Variants in MPZL2 observed in about 807,000 individuals in gnomAD.
The protein encoded by MPZL2 is myelin protein zero-like protein 2.
In MPZL2, 32 loss-of-function variants were observed where a neutral mutation model predicts 24.5. The observed-to-expected ratio is 1.31, with a 90% confidence interval of 0.99 to 1.76. MPZL2 has a LOEUF of 1.76. Ranked by LOEUF, MPZL2 falls within the 40% of genes most tolerant of loss-of-function variation. The probability of loss-of-function intolerance (pLI) is 0.00; values close to 1 mark genes in which losing one functional copy is unlikely to be tolerated. For synonymous variants in MPZL2, 92 were observed against 97.9 expected (o/e 0.94, Z 0.36); for missense variants, 304 against 274.9 (o/e 1.11, Z -0.75).
chr11:118,255,423 T>A (rs964715300), intron 5 of MPZL2, among the ~76,000 whole-genome samples, 190 bp from the exon 6 acceptor site: 6 of 152,320 alleles, frequency 3.9e-5, no homozygotes, highest in African/African-American at 1.4e-4. Context: ...AGAGTTAGTA[T>A]CCTTAAATCA....
intron 3 of MPZL2, among the ~76,000 whole-genome samples, chr11:118,260,498 C>T (rs762020350): frequency 2.6e-5 from 4 of 152,302 alleles, no homozygotes; most frequent in Middle Eastern, 6.8e-3. Context: ...TGCGGCTGAG[C>T]AATCTGTGTC....
In MPZL2 at chr11:118,262,520, A is replaced by G. The variant is rs763678281; in HGVS notation, c.354T>C (p.Asn118=). The change falls in exon 3 of 6, where the codon AAT becomes AAC. Residue 118 remains asparagine (N), a synonymous_variant. Coordinates refer to ENST00000278937, the MANE Select transcript of MPZL2 (RefSeq NM_005797.4). ...ILLWKLQFDD[N]GTYTCQVKNP... ...TCTTCACCTGGCAGGTGTATGTCCC[A>G]TTGTCGTCGAACTGCAGTTTCCAGA... 8 of 1,613,992 alleles carry G rather than the reference A, an allele frequency of 5.0e-6. No homozygotes were observed. In the East Asian group the frequency reaches 1.8e-4, roughly 36 times the overall value.
rs1021673833 is a variant in MPZL2, at chr11:118,253,488, A to T, written c.*1758T>A. The T allele has an allele frequency of 7.9e-5, 12 of 152,240 alleles. No individual in the cohort carries two copies. The highest frequency in any genetic ancestry group is 2.9e-4 in the African/African-American group (12 of 41,472). 9.4% of individuals were successfully genotyped at this position (152,240 alleles called of 1,614,324 possible). ...TTTAAAGCATAATAAAAAATAAATT[A>T]CAATACAAAAGTGCTCTTTAGGAAG... is the stretch of plus-strand genomic sequence containing the variant. On this transcript the variant is annotated 3_prime_UTR_variant, in exon 6 of 6. Coordinates refer to ENST00000278937, the MANE Select transcript of MPZL2 (RefSeq NM_005797.4).
intron 4 of MPZL2, 88 bp from the exon 5 acceptor site, chr11:118,257,401 C>T: frequency 8.9e-7 from 1 of 1,125,308 alleles, no homozygotes; most frequent in Non-Finnish European, 1.3e-6. Flanking sequence ...GGTATTTTTC[C>T]CCCATATTTT....
intron 1 of MPZL2, 86 bp downstream of exon 1, chr11:118,264,010 A>T (rs1949721286): frequency 1.4e-6 from 2 of 1,404,506 alleles, no homozygotes; most frequent in Admixed American, 3.6e-5. Context: ...CCCAAACAAA[A>T]GTCTTGCAAC....
chr11:118,262,900 G>A (rs575988550), intron 2 of MPZL2, 31 bp downstream of exon 2: 301 of 1,607,452 alleles, frequency 1.9e-4, no homozygotes, highest in Non-Finnish European at 2.4e-4. Flanking sequence ...CTAAACAAGA[G>A]TACCCTGGAA....
At chr11:118,259,953 T>G in intron 4 of MPZL2, 101 bp downstream of exon 4, 1 of 1,369,228 alleles carries the variant, frequency 7.3e-7, no homozygotes, top group South Asian at 1.4e-5. Flanking sequence ...TAGGATTTAC[T>G]TAAAGGGAAA....
intron 5 of MPZL2, 119 bp from the exon 6 acceptor site, chr11:118,255,352 T>A (rs1006770463): frequency 6.6e-6 from 1 of 152,188 alleles, no homozygotes; most frequent in African/African-American, 2.4e-5. Context: ...GGGAAAGTAT[T>A]CATATTCTCC....
chr11:118,256,038 G>A (rs1628018), intron 5 of MPZL2, among the ~76,000 whole-genome samples: 13,712 of 152,118 alleles, frequency 0.09, 2,056 homozygotes, highest in African/African-American at 0.31. Flanking sequence ...GACAATAGCC[G>A]TTGGTTGGTA....
chr11:118,263,766 G>T (rs1032596170), intron 1 of MPZL2, among the ~76,000 whole-genome samples: 1 of 152,080 alleles, frequency 6.6e-6, no homozygotes, highest in African/African-American at 2.4e-5. Context: ...TCACAGACAA[G>T]ACCCACACAC....
chr11:118,253,709 A>C lies in MPZL2; in HGVS notation c.*1537T>G, dbSNP rs938016612. The C allele has an allele frequency of 1.7e-4, 26 of 152,256 alleles. No homozygotes were observed. The highest frequency in any genetic ancestry group is 4.1e-4 in the South Asian group (2 of 4,838). The allele number at this position is 152,256 out of a possible 1,614,324, so 9.4% of individuals were successfully genotyped here. On this transcript the variant is annotated 3_prime_UTR_variant, in exon 6 of 6. Transcript: ENST00000278937. Reference sequence around the variant, plus strand: ...GGTTAGAATTGTGAAGAAAAAATATAAAATGTGATTAAAGGATATATAGCC... The same window carrying C: ...GGTTAGAATTGTGAAGAAAAAATATCAAATGTGATTAAAGGATATATAGCC...
At position 118,254,373 on chromosome 11, in the gene MPZL2, A is replaced by G. The variant is rs1949649655; in HGVS notation, c.*873T>C. 6.6e-6 allele frequency: 1 copy of G among 152,196 alleles called. No individual in the cohort carries two copies. Among genetic ancestry groups the G allele is most frequent in the Admixed American group, 6.5e-5 (1 of 15,270 alleles). The allele number at this position is 152,196 out of a possible 1,614,324, so 9.4% of individuals were successfully genotyped here. On this transcript the variant is annotated 3_prime_UTR_variant, in exon 6 of 6. Transcript: ENST00000278937. ...TGCTGTTTCACAATTTTTTTATTAAATTACTTAATGATTCCAGTCTGCAAA... is the reference window on the plus strand; with the variant it reads ...TGCTGTTTCACAATTTTTTTATTAAGTTACTTAATGATTCCAGTCTGCAAA...
intron 3 of MPZL2, among the ~76,000 whole-genome samples, 194 bp downstream of exon 3, chr11:118,262,244 A>G (rs1183766316): frequency 2.0e-5 from 3 of 152,160 alleles, no homozygotes; most frequent in African/African-American, 7.2e-5. Flanking sequence ...TTCTTTCCAC[A>G]GCCAAACAAA....
rs760931196 is a variant in MPZL2 at position 118,262,528 on chromosome 11, C to T, written c.346G>A (p.Asp116Asn). The change falls in exon 3 of 6, where the codon GAC becomes AAC. Residue 116 changes from aspartate (D) to asparagine (N), a missense_variant. Transcript: ENST00000278937. ...ASILLWKLQF[D>N]DNGTYTCQVK... ...TGGCAGGTGTATGTCCCATTGTCGTCGAACTGCAGTTTCCAGAGAAGGATG... is the reference window on the plus strand; with the variant it reads ...TGGCAGGTGTATGTCCCATTGTCGTTGAACTGCAGTTTCCAGAGAAGGATG... 46 of 1,614,050 alleles carry T rather than the reference C, an allele frequency of 2.8e-5. No individual in the cohort carries two copies. The highest frequency in any genetic ancestry group is 2.5e-6 in the Non-Finnish European group (3 of 1,180,034).
At chr11:118,257,058 A>C (rs1299378438) in intron 5 of MPZL2, 180 bp downstream of exon 5, 1 of 410,878 alleles carries the variant, frequency 2.4e-6, no homozygotes, top group Non-Finnish European at 4.3e-6. Flanking sequence ...CACAAAATAC[A>C]CTCAAGGAGG....
chr11:118,257,633 A>T (rs1421963805), intron 4 of MPZL2: 1 of 202,252 alleles, frequency 4.9e-6, no homozygotes, highest in African/African-American at 2.3e-5. Flanking sequence ...AAAAAAAAAT[A>T]AAAAGTTTTG....
At chr11:118,255,973 C>T (rs1466590617) in intron 5 of MPZL2, among the ~76,000 whole-genome samples, 1 of 152,108 alleles carries the variant, frequency 6.6e-6, no homozygotes, top group African/African-American at 2.4e-5. Context: ...AAAACATCTC[C>T]CATATTTATT....
rs974215985 is a variant in MPZL2, at chr11:118,262,998, G to A, written c.158C>T (p.Ala53Val). ...CACTGTTAGAGCATCACCCACAGGG[G>A]CAAAGCTGGAGAAAGTGCATTTTAA... ...ARLKCTFSSF[A>V]PVGDALTVTW... The change falls in exon 2 of 6, where the codon GCC becomes GTC. Residue 53 changes from alanine to valine, a missense_variant. Coordinates refer to ENST00000278937, the MANE Select transcript of MPZL2 (RefSeq NM_005797.4). 1 of 1,614,032 alleles carries A rather than the reference G, an allele frequency of 6.2e-7. No individual in the cohort carries two copies. Among genetic ancestry groups the A allele is most frequent in the Non-Finnish European group, 8.5e-7 (1 of 1,180,024 alleles).
In MPZL2 at chr11:118,262,594, G is replaced by A. The variant is rs145401372; in HGVS notation, c.280C>T (p.Arg94Trp). Residue 94 changes from arginine to tryptophan, a missense_variant, in exon 3 of 6, where the codon CGG (arginine) becomes TGG (tryptophan). Transcript: ENST00000278937. ...TCAGGATTCCCATCCCAAGACACCC[G>A]GTCCTTAAACCGCCCACTCATGGGT... ...FQPMSGRFKDRVSWDGNPERY... is the reference protein window; with the variant it reads ...FQPMSGRFKDWVSWDGNPERY... 5.6e-5 allele frequency: 90 copies of A among 1,613,938 alleles called. No homozygotes were observed. Among genetic ancestry groups the A allele is most frequent in the Middle Eastern group, 5.0e-4 (3 of 6,046 alleles).
Sources: allele counts gnomAD v4.1 joint callset (sites outside exome capture counted in the v4.1 genomes callset), GRCh38; gene constraint gnomAD v4.1.1; transcripts MANE v1.5; gene names NCBI Gene and HGNC (gene_info 2026-07-23, HGNC 2026-07-21).